SH2D4B: variants seen among roughly 807,000 people sequenced by gnomAD.
SH2D4B encodes SH2 domain containing 4B, also known as SH2 domain-containing protein 4B.
SH2D4B carries 45 observed loss-of-function variants against 61.5 expected under a neutral mutation model. The ratio of observed to expected loss-of-function variants is 0.73; its 90% confidence interval spans 0.58 to 0.94. The LOEUF (loss-of-function observed/expected upper bound fraction) is 0.94, where lower values mean the gene tolerates loss of function less well. Ranked by LOEUF, SH2D4B falls within the 40% of genes least tolerant of loss-of-function variation. The pLI, the probability that SH2D4B is intolerant of heterozygous loss-of-function variation, is 0.00. For synonymous variants in SH2D4B, 224 were observed against 220.4 expected (o/e 1.02, Z -0.14); for missense variants, 572 against 574.2 (o/e 1.00, Z 0.04).
At chr10:80,565,219 A>G (rs1207821633) in intron 1 of SH2D4B, among the ~76,000 whole-genome samples, 1 of 152,180 alleles carries the variant, frequency 6.6e-6, no homozygotes, top group African/African-American at 2.4e-5. Context: ...TCAAATAGAG[A>G]ACAACAGAGT....
chr10:80,615,845 A>G (rs1842653327), intron 6 of SH2D4B, among the ~76,000 whole-genome samples: 1 of 152,238 alleles, frequency 6.6e-6, no homozygotes, highest in African/African-American at 2.4e-5. Context: ...CCAGGAGTGG[A>G]GAAAATAATA....
At chr10:80,579,640 TTGATTC>T (rs1324920560) in intron 3 of SH2D4B, among the ~76,000 whole-genome samples, 7 of 152,070 alleles carry the variant, frequency 4.6e-5, no homozygotes, top group African/African-American at 1.7e-4. Context: ...ACAGACATGG[TTGATTC>T]TGTTCAGTTG....
chr10:80,636,644 T>C (rs971789157), intron 7 of SH2D4B, among the ~76,000 whole-genome samples: 2 of 151,642 alleles, frequency 1.3e-5, no homozygotes, highest in African/African-American at 4.9e-5. Flanking sequence ...TTGATGGGAT[T>C]GTTTGTTTTT....
intron 1 of SH2D4B, among the ~76,000 whole-genome samples, chr10:80,548,355 G>T (rs1344069043): frequency 6.6e-6 from 1 of 152,194 alleles, no homozygotes; most frequent in East Asian, 1.9e-4. Flanking sequence ...GCAGAGATGG[G>T]GTTTCACTAT....
chr10:80,587,146 G>GT (rs1564775919), intron 3 of SH2D4B, among the ~76,000 whole-genome samples: 2 of 86,156 alleles, frequency 2.3e-5, no homozygotes, highest in Non-Finnish European at 2.0e-5. Flanking sequence ...TTTTTTTTTT[G>GT]TTTTGTTTTT....
At position 80,586,155 on chromosome 10, in the gene SH2D4B, C is replaced by T. The variant is rs1189644544; in HGVS notation, c.496-2475C>T. 4.6e-5 allele frequency among the ~76,000 whole-genome samples: 7 copies of T among 152,256 alleles called. No individual in the cohort carries two copies. The East Asian group carries it at 1.4e-3, about 30-fold the overall frequency. ...CTGCAGCTTGCCATGCCTGAGCCTC[C>T]CCCTCCTCCATGGGCTCCTGTGCCG... On this transcript the variant is annotated intron_variant, in intron 3 of 7. Coordinates refer to ENST00000646907, the MANE Select transcript of SH2D4B (RefSeq NM_001388272.1).
intron 3 of SH2D4B, among the ~76,000 whole-genome samples, chr10:80,573,070 C>T (rs1279855808): frequency 4.9e-5 from 6 of 122,808 alleles, no homozygotes; most frequent in African/African-American, 6.0e-5. Flanking sequence ...CTGCAAGCTC[C>T]GCCTCCCGGG....
At chr10:80,600,592 G>T (rs765155777) in intron 4 of SH2D4B, among the ~76,000 whole-genome samples, 1 of 151,840 alleles carries the variant, frequency 6.6e-6, no homozygotes, top group Non-Finnish European at 1.5e-5. Context: ...AGTAAGGAAA[G>T]TAGGCAGGGC....
chr10:80,609,666 A>C (rs187378430), intron 6 of SH2D4B, 115 bp downstream of exon 6: 1 of 1,501,462 alleles, frequency 6.7e-7, no homozygotes, highest in African/African-American at 1.4e-5. Context: ...GACTTTAAGC[A>C]ATCTCCATTC....
chr10:80,543,820 G>C (rs12769064), intron 1 of SH2D4B, among the ~76,000 whole-genome samples: 805 of 120,396 alleles, frequency 6.7e-3, no homozygotes, highest in African/African-American at 0.018. Flanking sequence ...ATGCACCAAT[G>C]GACACTCTGT....
rs1841527837 is a variant in SH2D4B at position 80,538,051 on chromosome 10, C to G, written c.-281C>G. Reference sequence around the variant, plus strand: ...TCCTGGGATGCCGTGCTTGGTGACCCAGGAGAAGGACTAGATTGCTCCTGG... The same window carrying G: ...TCCTGGGATGCCGTGCTTGGTGACCGAGGAGAAGGACTAGATTGCTCCTGG... On this transcript the variant is annotated 5_prime_UTR_variant, in exon 1 of 8. Coordinates refer to ENST00000646907, the MANE Select transcript of SH2D4B (RefSeq NM_001388272.1). The surrounding 1 kb of genome is among the most constrained non-coding windows in gnomAD (Gnocchi z 4.8). 3 of 204,636 alleles carry G rather than the reference C, an allele frequency of 1.5e-5. No individual in the cohort carries two copies. In the South Asian group the frequency reaches 5.6e-4, roughly 38 times the overall value. The allele number at this position is 204,636 out of a possible 1,614,324, so 12.7% of individuals were successfully genotyped here.
At chr10:80,613,295 A>G (rs1394855397) in intron 6 of SH2D4B, among the ~76,000 whole-genome samples, 2 of 152,252 alleles carry the variant, frequency 1.3e-5, no homozygotes, top group Non-Finnish European at 2.9e-5. Context: ...ATGCTAGTAC[A>G]TATAACCTTG....
intron 6 of SH2D4B, among the ~76,000 whole-genome samples, chr10:80,625,398 T>G (rs1404632563): frequency 6.6e-6 from 1 of 152,220 alleles, no homozygotes; most frequent in Non-Finnish European, 1.5e-5. Context: ...TGGCATAACA[T>G]TTGCATAAAA....
intron 4 of SH2D4B, among the ~76,000 whole-genome samples, chr10:80,590,342 C>T (rs568958969): frequency 1.5e-3 from 233 of 152,282 alleles, no homozygotes; most frequent in Non-Finnish European, 2.1e-3. Context: ...GTATGGGCTT[C>T]TGACTGAATG....
intron 6 of SH2D4B, among the ~76,000 whole-genome samples, chr10:80,624,022 C>T (rs991777263): frequency 3.9e-5 from 6 of 152,172 alleles, no homozygotes; most frequent in East Asian, 1.9e-4. Context: ...TGATGGCTCT[C>T]GGAAGGCTGA....
At chr10:80,562,711 G>A (rs1236096137) in intron 1 of SH2D4B, among the ~76,000 whole-genome samples, 6 of 151,744 alleles carry the variant, frequency 4.0e-5, no homozygotes, top group Non-Finnish European at 7.4e-5. Flanking sequence ...ACTATTTTCC[G>A]CAATAGCTGT....
intron 4 of SH2D4B, among the ~76,000 whole-genome samples, chr10:80,589,625 C>T (rs1842302597): frequency 6.6e-6 from 1 of 152,204 alleles, no homozygotes; most frequent in South Asian, 2.1e-4. Flanking sequence ...CGGTGCTCAT[C>T]CTGTAGAAAC....
At chr10:80,632,409 A>G (rs931447743) in intron 6 of SH2D4B, among the ~76,000 whole-genome samples, 1 of 152,214 alleles carries the variant, frequency 6.6e-6, no homozygotes, top group African/African-American at 2.4e-5. Context: ...TTCATCAATG[A>G]AAAAGTAATA....
In SH2D4B at chr10:80,557,298, T is replaced by G. The variant is rs376291310; in HGVS notation, c.185-12856T>G. 9.9e-5 allele frequency among the ~76,000 whole-genome samples: 15 copies of G among 152,272 alleles called. No individual in the cohort carries two copies. The East Asian group carries it at 2.7e-3, about 27-fold the overall frequency. ...TGAATTTAATTTGCTAATACTTTAT[T>G]AAGATTTTAAAAAATCTGTGTGATA... is the stretch of plus-strand genomic sequence containing the variant. On this transcript the variant is annotated intron_variant, in intron 1 of 7. Transcript: ENST00000646907.
Sources: allele counts gnomAD v4.1 joint callset (sites outside exome capture counted in the v4.1 genomes callset), GRCh38; gene constraint gnomAD v4.1.1; non-coding constraint Gnocchi (gnomAD v3.1); transcripts MANE v1.5; gene names NCBI Gene and HGNC (gene_info 2026-07-23, HGNC 2026-07-21).